The following MYO16 variants were observed in gnomAD, a reference collection of about 807,000 sequenced individuals.
MYO16 encodes myosin XVI, also known as unconventional myosin-XVI.
In MYO16, 94 loss-of-function variants were observed where a neutral mutation model predicts 205.3. The observed-to-expected ratio is 0.46, with a 90% CI of 0.39 to 0.54. The LOEUF (loss-of-function observed/expected upper bound fraction) is 0.54, where lower values mean the gene tolerates loss of function less well. MYO16 is among the 20% of genes least tolerant of loss of function. MYO16 has a pLI of 0.00. For missense variants in MYO16, 2,315 were observed against 2,387.5 expected (o/e 0.97, Z 0.63); for synonymous variants, 988 against 954.0 (o/e 1.04, Z -0.66).
chr13:108,646,650 C>T (rs1226300288), intron 1 of MYO16, among the ~76,000 whole-genome samples: 1 of 152,156 alleles, frequency 6.6e-6, no homozygotes, highest in Non-Finnish European at 1.5e-5. Flanking sequence ...GTGAACTGAG[C>T]ACTATATCTA....
At chr13:108,679,140 T>C (rs1196913597) in intron 2 of MYO16, among the ~76,000 whole-genome samples, 1 of 152,148 alleles carries the variant, frequency 6.6e-6, no homozygotes, top group South Asian at 2.1e-4. Flanking sequence ...TTTCTTTAAA[T>C]ACCTCTAGCC....
chr13:108,659,663 C>A (rs1881412223), intron 1 of MYO16, among the ~76,000 whole-genome samples: 1 of 152,128 alleles, frequency 6.6e-6, no homozygotes, highest in South Asian at 2.1e-4. Context: ...CAGGACTAAG[C>A]ATTTATCTGC....
intron 9 of MYO16, among the ~76,000 whole-genome samples, chr13:108,824,101 G>T (rs1290775709): frequency 6.6e-6 from 1 of 152,026 alleles, no homozygotes; most frequent in East Asian, 1.9e-4. Context: ...TAACGTGTGG[G>T]ACCTTGTAAA....
chr13:109,157,591 C>A (rs9521191), intron 32 of MYO16, among the ~76,000 whole-genome samples: 34,136 of 152,198 alleles, frequency 0.22, 4,208 homozygotes, highest in Middle Eastern at 0.31. Context: ...CCATCCCAGC[C>A]CCCTGGCCCT....
intron 33 of MYO16, among the ~76,000 whole-genome samples, chr13:109,177,536 T>G (rs1319162896): frequency 6.6e-6 from 1 of 152,112 alleles, no homozygotes; most frequent in Non-Finnish European, 1.5e-5. Context: ...TTATTTATGT[T>G]GAGATGGAGT....
intron 12 of MYO16, among the ~76,000 whole-genome samples, chr13:108,882,609 G>T (rs1309303893): frequency 2.0e-5 from 3 of 152,102 alleles, no homozygotes; most frequent in Non-Finnish European, 2.9e-5. Context: ...ATTAATTTTT[G>T]TTTTTCTGAG....
At position 108,848,282 on chromosome 13, in the gene MYO16, A is replaced by G. The variant is rs141898123; in HGVS notation, c.1248+3789A>G. Reference sequence around the variant, plus strand: ...TTCTAAATTCATGTAGTTCCACTCAACATATCCACAGGACTTTATACTTTT... The same window carrying G: ...TTCTAAATTCATGTAGTTCCACTCAGCATATCCACAGGACTTTATACTTTT... On this transcript the variant is annotated intron_variant, in intron 10 of 34. Transcript: ENST00000457511. Among the ~76,000 whole-genome samples, 497 of 152,326 alleles carry G rather than the reference A, an allele frequency of 3.3e-3. 4 individuals are homozygous for G. Among genetic ancestry groups the G allele is most frequent in the African/African-American group, 0.012 (487 of 41,576 alleles).
intron 1 of MYO16, among the ~76,000 whole-genome samples, chr13:108,640,103 T>A (rs16972852): frequency 0.068 from 10,369 of 152,250 alleles, 570 homozygotes; most frequent in African/African-American, 0.15. Context: ...TGGTTTCATT[T>A]AAGCCACAGG....
At chr13:108,714,988 T>A (rs1217400339) in intron 3 of MYO16, among the ~76,000 whole-genome samples, 2 of 152,128 alleles carry the variant, frequency 1.3e-5, no homozygotes, top group Non-Finnish European at 2.9e-5. Context: ...CTATACTGTT[T>A]CCCATTCACA....
chr13:108,725,378 G>T (rs1023327160), intron 3 of MYO16, among the ~76,000 whole-genome samples: 3 of 152,034 alleles, frequency 2.0e-5, no homozygotes, highest in African/African-American at 4.8e-5. Context: ...ATTTTGCCTT[G>T]TTGGGTATTC....
At chr13:108,662,374 A>C (rs980506367) in intron 1 of MYO16, among the ~76,000 whole-genome samples, 2 of 152,184 alleles carry the variant, frequency 1.3e-5, no homozygotes, top group Non-Finnish European at 2.9e-5. Context: ...GTTTGCCACT[A>C]CCAGGGTGGA....
At chr13:108,747,432 A>G (rs568845097) in intron 4 of MYO16, among the ~76,000 whole-genome samples, 34 of 152,280 alleles carry the variant, frequency 2.2e-4, no homozygotes, top group Non-Finnish European at 1.5e-5. Context: ...AGATACCTGT[A>G]CTACATGTGA....
At chr13:109,025,293 G>A (rs9583327) in intron 23 of MYO16, among the ~76,000 whole-genome samples, 2,577 of 152,282 alleles carry the variant, frequency 0.017, 75 homozygotes, top group African/African-American at 0.059. Context: ...GACCGGCCAC[G>A]CTTCAGAGTC....
chr13:108,933,886 A>C (rs1433114525), intron 16 of MYO16, among the ~76,000 whole-genome samples: 1 of 152,126 alleles, frequency 6.6e-6, no homozygotes, highest in Non-Finnish European at 1.5e-5. Context: ...TTCACTTAGG[A>C]TAATGTCCTC....
chr13:108,897,783 C>T lies in MYO16; in HGVS notation c.1660-233C>T, dbSNP rs150280395. Among the ~76,000 whole-genome samples, 431 of 152,094 alleles carry T rather than the reference C, an allele frequency of 2.8e-3. 3 individuals carry two copies. Among genetic ancestry groups the T allele is most frequent in the African/African-American group, 0.01 (422 of 41,478 alleles). Reference sequence around the variant, plus strand: ...TTTTATGTGCAGGAGAGTGCAGTGTCGTCAAGCAATCTGTCTATTATTGCT... The same window carrying T: ...TTTTATGTGCAGGAGAGTGCAGTGTTGTCAAGCAATCTGTCTATTATTGCT... On this transcript the variant is annotated intron_variant, in intron 14 of 34. Coordinates refer to ENST00000457511, the MANE Select transcript of MYO16 (RefSeq NM_001198950.3).
the MYO16 span, among the ~76,000 whole-genome samples, chr13:108,531,927 C>T: frequency 4.3e-4 from 66 of 152,262 alleles, no homozygotes; most frequent in Admixed American, 3.7e-3. Context: ...AAGCAGAAGG[C>T]CCGGCCTGGT....
chr13:108,874,457 C>T (rs1199239785), intron 12 of MYO16, among the ~76,000 whole-genome samples: 3 of 152,098 alleles, frequency 2.0e-5, no homozygotes, highest in African/African-American at 7.2e-5. Context: ...AGAACTGCCT[C>T]AAATGGCTTT....
intron 33 of MYO16, among the ~76,000 whole-genome samples, chr13:109,177,736 C>T (rs796888044): frequency 2.0e-5 from 3 of 152,124 alleles, no homozygotes; most frequent in African/African-American, 4.8e-5. Flanking sequence ...GGGCTGGTCT[C>T]GATCTCCTGA....
the MYO16 span, among the ~76,000 whole-genome samples, chr13:108,517,161 T>C: frequency 6.6e-5 from 10 of 152,190 alleles, no homozygotes; most frequent in Admixed American, 2.6e-4. Context: ...AACTTCTGGC[T>C]TCAAGTGATT....
Sources: gnomAD v4.1 joint callset for allele counts (sites outside exome capture counted in the v4.1 genomes callset) on GRCh38, gnomAD v4.1.1 for gene constraint, MANE v1.5 for transcripts, NCBI Gene and HGNC (gene_info 2026-07-23, HGNC 2026-07-21) for gene names.